Variants in COBLL1 observed in about 807,000 individuals in gnomAD.
COBLL1 encodes the protein cordon-bleu WH2 repeat protein like 1, also known as cordon-bleu protein-like 1.
COBLL1 carries 50 observed loss-of-function variants against 94.8 expected under a neutral mutation model. The ratio of observed to expected loss-of-function variants is 0.53; its 90% confidence interval spans 0.42 to 0.67. COBLL1 has a LOEUF of 0.67. Among genes scored for constraint, COBLL1 ranks in the 30% least tolerant of loss-of-function variants. COBLL1 has a pLI of 0.00. For missense variants in COBLL1, 1,362 were observed against 1,348.7 expected, an observed-to-expected ratio of 1.01 and a Z score of -0.15; for synonymous variants, 448 against 473.8, an observed-to-expected ratio of 0.95 and a Z score of 0.71.
chr2:164,773,435 T>G (rs1366870323), intron 2 of COBLL1, among the ~76,000 whole-genome samples: 1 of 152,142 alleles, frequency 6.6e-6, no homozygotes, highest in African/African-American at 2.4e-5. Context: ...AAAATAATTT[T>G]TATTCTCTAA....
At chr2:164,799,852 TC>T (rs1202839807) in intron 2 of COBLL1, among the ~76,000 whole-genome samples, 1 of 152,142 alleles carries the variant, frequency 6.6e-6, no homozygotes, top group Non-Finnish European at 1.5e-5. Flanking sequence ...GAAAGGATAG[TC>T]CTTTCAACAA....
intron 4 of COBLL1, among the ~76,000 whole-genome samples, chr2:164,728,883 T>C (rs1303693277): frequency 6.6e-6 from 1 of 152,188 alleles, no homozygotes; most frequent in African/African-American, 2.4e-5. Context: ...CATCATTTTA[T>C]GTAATTGAAT....
intron 7 of COBLL1, among the ~76,000 whole-genome samples, chr2:164,717,996 T>C (rs1049751611): frequency 5.9e-5 from 9 of 152,346 alleles, no homozygotes; most frequent in Non-Finnish European, 7.3e-5. Flanking sequence ...GCTTAAGAAA[T>C]ATATTGCTAA....
At chr2:164,722,352 A>AT in intron 6 of COBLL1, 41 bp from the exon 7 acceptor site, 1 of 1,558,124 alleles carries the variant, frequency 6.4e-7, no homozygotes, top group Non-Finnish European at 8.8e-7. Context: ...TAATTTCAAG[A>AT]TATTAGTAAA....
rs1432045543 is a variant in COBLL1 at position 164,694,995 on chromosome 2, C to A, written c.2397G>T (p.Lys799Asn). Residue 799 changes from lysine to asparagine, a missense_variant, in exon 12 of 14, where the codon AAG (lysine) becomes AAT (asparagine). Lys to Asn is a moderately conservative substitution (Grantham distance 94). Coordinates refer to ENST00000652658, the MANE Select transcript of COBLL1 (RefSeq NM_001365672.2). ...CTTGATGCTCTGTTCTCAGGTTAGGCTTCGGTTTAAGGTTTGGCAGTGGCT... is the reference window on the plus strand; with the variant it reads ...CTTGATGCTCTGTTCTCAGGTTAGGATTCGGTTTAAGGTTTGGCAGTGGCT... Reference protein sequence around the residue: ...PEEPLPNLKPKPNLRTEHQVP... With the variant: ...PEEPLPNLKPNPNLRTEHQVP... 1 of 1,613,804 alleles carries A rather than the reference C, an allele frequency of 6.2e-7. No homozygotes were observed. Among genetic ancestry groups the A allele is most frequent in the Admixed American group, 1.7e-5 (1 of 59,962 alleles).
At chr2:164,840,473 T>C (rs1683537300) in intron 2 of COBLL1, among the ~76,000 whole-genome samples, 1 of 151,754 alleles carries the variant, frequency 6.6e-6, no homozygotes, top group South Asian at 2.1e-4. Context: ...TTAGCATATC[T>C]GGCAGGAAGA....
upstream of COBLL1, chr2:164,841,906 G>A: frequency 7.1e-7 from 1 of 1,405,304 alleles, no homozygotes; most frequent in Admixed American, 2.0e-5. This position sits in a 1 kb window ranked among gnomAD's most constrained non-coding sequence, Gnocchi z 5.5. Flanking sequence ...GGCGGGGTGC[G>A]GGCGCTGGCT....
At chr2:164,818,531 ACATATT>A (rs1684967454) in intron 2 of COBLL1, among the ~76,000 whole-genome samples, 1 of 144,372 alleles carries the variant, frequency 6.9e-6, no homozygotes, top group Non-Finnish European at 1.5e-5. Context: ...TATACAATAT[ACATATT>A]TACATATATG....
At position 164,694,421 on chromosome 2, in the gene COBLL1, C is replaced by T; in HGVS notation, c.2971G>A (p.Ala991Thr). 1 of 1,613,894 alleles carries T rather than the reference C, an allele frequency of 6.2e-7. No individual in the cohort carries two copies. The highest frequency in any genetic ancestry group is 8.5e-7 in the Non-Finnish European group (1 of 1,179,924). The part of the protein sequence containing the change: ...SSSGPSPFAL[A>T]VVKRSQSFSK... ...AAAGACTGTGACCTTTTCACTACAG[C>T]AAGAGCAAACGGTGAAGGACCAGAA... Residue 991 changes from alanine (A) to threonine (T), a missense_variant, in exon 12 of 14, where the codon GCT (alanine) becomes ACT (threonine). Ala to Thr is a moderately conservative substitution (Grantham distance 58, BLOSUM62 0). Coordinates refer to ENST00000652658, the MANE Select transcript of COBLL1 (RefSeq NM_001365672.2).
At chr2:164,828,558 T>C (rs536988234) in intron 2 of COBLL1, among the ~76,000 whole-genome samples, 24 of 152,252 alleles carry the variant, frequency 1.6e-4, no homozygotes, top group African/African-American at 5.3e-4. Flanking sequence ...AAGCAACGTA[T>C]GAAGCAGCAC....
At chr2:164,738,257 C>G (rs1377822041) in intron 3 of COBLL1, 1 of 152,048 alleles carries the variant, frequency 6.6e-6, no homozygotes, top group Non-Finnish European at 1.5e-5. Flanking sequence ...TTTCAGATTT[C>G]CCAAAATGAA....
chr2:164,730,585 A>G (rs1285765442), intron 3 of COBLL1, among the ~76,000 whole-genome samples: 1 of 152,162 alleles, frequency 6.6e-6, no homozygotes, highest in African/African-American at 2.4e-5. Context: ...AAACAGACAA[A>G]ATTGTAATAG....
At chr2:164,729,454 C>T (rs765329178) in intron 4 of COBLL1, among the ~76,000 whole-genome samples, 1 of 150,874 alleles carries the variant, frequency 6.6e-6, no homozygotes, top group Admixed American at 6.6e-5. Flanking sequence ...GTGTGGCACA[C>T]ATTAATAGTT....
intron 2 of COBLL1, among the ~76,000 whole-genome samples, chr2:164,780,822 T>C (rs1688693190): frequency 6.6e-6 from 1 of 152,160 alleles, no homozygotes; most frequent in African/African-American, 2.4e-5. Flanking sequence ...AGAGTGTAAA[T>C]GCTGTGTTTT....
intron 11 of COBLL1, 103 bp downstream of exon 11, chr2:164,699,302 A>C: frequency 2.6e-6 from 2 of 769,572 alleles, no homozygotes; most frequent in Non-Finnish European, 4.7e-6. Flanking sequence ...GTATTAAGTG[A>C]GTTACAGGAG....
intron 2 of COBLL1, among the ~76,000 whole-genome samples, chr2:164,747,540 G>A (rs1454860663): frequency 6.6e-6 from 1 of 152,142 alleles, no homozygotes; most frequent in Non-Finnish European, 1.5e-5. Context: ...CTGGAGTGCA[G>A]TGGAACAATC....
chr2:164,817,186 A>T (rs1208148928), intron 2 of COBLL1, among the ~76,000 whole-genome samples: 1 of 152,130 alleles, frequency 6.6e-6, no homozygotes, highest in Non-Finnish European at 1.5e-5. Context: ...CTGGTGGAAG[A>T]GGCTTTGTCT....
chr2:164,719,061 G>A (rs1486195665), intron 7 of COBLL1, among the ~76,000 whole-genome samples: 1 of 152,010 alleles, frequency 6.6e-6, no homozygotes, highest in Non-Finnish European at 1.5e-5. Flanking sequence ...AGCTTGCCAC[G>A]TTGAGAATTT....
chr2:164,741,109 CT>C (rs1242335769), intron 3 of COBLL1, among the ~76,000 whole-genome samples: 2 of 151,984 alleles, frequency 1.3e-5, no homozygotes, highest in Non-Finnish European at 2.9e-5. Context: ...AATCCCATCT[CT>C]TCTAAAAATA....
Sources: gnomAD v4.1 joint callset for allele counts (sites outside exome capture counted in the v4.1 genomes callset) on GRCh38, gnomAD v4.1.1 for gene constraint, Gnocchi (gnomAD v3.1) non-coding constraint, MANE v1.5 for transcripts, NCBI Gene and HGNC (gene_info 2026-07-23, HGNC 2026-07-21) for gene names.